LDB2: variants seen among roughly 807,000 people sequenced by gnomAD.
The protein encoded by LDB2 is LIM domain-binding protein 2.
In LDB2, 12 loss-of-function variants were observed where a neutral mutation model predicts 44.3. That is an observed-to-expected ratio of 0.27 (90% CI 0.17 to 0.44). The LOEUF (loss-of-function observed/expected upper bound fraction) is 0.44. Ranked by LOEUF, LDB2 falls within the 20% of genes least tolerant of loss-of-function variation. The pLI is 1.00. For missense variants in LDB2, 344 were observed against 473.5 expected, an observed-to-expected ratio of 0.73 and a Z score of 2.54; for synonymous variants, 164 against 174.8, an observed-to-expected ratio of 0.94 and a Z score of 0.49.
chr4:16,816,032 AC>A (rs1780821578), intron 1 of LDB2, among the ~76,000 whole-genome samples: 1 of 152,180 alleles, frequency 6.6e-6, no homozygotes, highest in Non-Finnish European at 1.5e-5. Context: ...ACATGGTGAA[AC>A]CCTGTCTCTA....
intron 1 of LDB2, among the ~76,000 whole-genome samples, chr4:16,849,075 A>G (rs1222836794): frequency 6.6e-6 from 1 of 152,178 alleles, no homozygotes; most frequent in Non-Finnish European, 1.5e-5. Context: ...AAAGACCAAA[A>G]AATCTGGCCC....
chr4:16,545,011 A>AT (rs1163606361), intron 5 of LDB2, among the ~76,000 whole-genome samples: 3 of 152,116 alleles, frequency 2.0e-5, no homozygotes, highest in African/African-American at 7.2e-5. Context: ...GATAGGGAGG[A>AT]GAACCAAGAC....
At chr4:16,843,576 G>A (rs1238389554) in intron 1 of LDB2, among the ~76,000 whole-genome samples, 2 of 151,878 alleles carry the variant, frequency 1.3e-5, no homozygotes, top group Non-Finnish European at 2.9e-5. Flanking sequence ...ATAAAAACAG[G>A]GTGCCATTTT....
chr4:16,740,539 T>G lies in LDB2; in HGVS notation c.235+18619A>C, dbSNP rs1304142459. Reference sequence around the variant, plus strand: ...GCCCTTCCTGCTGCTAAAAGCAGCATGGCAGGTACTACCTCATGAACTTTC... The same window carrying G: ...GCCCTTCCTGCTGCTAAAAGCAGCAGGGCAGGTACTACCTCATGAACTTTC... On this transcript the variant is annotated intron_variant, in intron 2 of 7. Coordinates refer to ENST00000304523, the MANE Select transcript of LDB2 (RefSeq NM_001290.5). Among the ~76,000 whole-genome samples the G allele has an allele frequency of 3.3e-5, 5 of 152,366 alleles. No homozygotes were observed. The East Asian group carries it at 7.7e-4, about 24-fold the overall frequency.
chr4:16,667,806 C>T (rs571041954), intron 2 of LDB2, among the ~76,000 whole-genome samples: 1 of 152,334 alleles, frequency 6.6e-6, no homozygotes, highest in African/African-American at 2.4e-5. Flanking sequence ...GCACCTCACA[C>T]AGCTGTCCCT....
At chr4:16,809,949 C>CA (rs1779518762) in intron 1 of LDB2, among the ~76,000 whole-genome samples, 1 of 152,178 alleles carries the variant, frequency 6.6e-6, no homozygotes, top group Non-Finnish European at 1.5e-5. Flanking sequence ...TGATTCTTTT[C>CA]ATGTGGTCAA....
At chr4:16,552,989 T>G (rs567087665) in intron 5 of LDB2, among the ~76,000 whole-genome samples, 38 of 152,260 alleles carry the variant, frequency 2.5e-4, no homozygotes, top group Admixed American at 1.2e-3. Flanking sequence ...AGCCTCCAGA[T>G]TACCAATCAC....
At chr4:16,512,233 A>C in intron 5 of LDB2, 129 bp from the exon 6 acceptor site, 1 of 899,454 alleles carries the variant, frequency 1.1e-6, no homozygotes, top group Non-Finnish European at 1.6e-6. Flanking sequence ...GATTTTCTTT[A>C]TATAAATGTG....
At chr4:16,826,406 A>G (rs2110012540) in intron 1 of LDB2, 1 of 152,350 alleles carries the variant, frequency 6.6e-6, no homozygotes, top group East Asian at 1.9e-4. Context: ...GCCATTTAAA[A>G]CAAAAACATA....
chr4:16,763,439 T>TAC (rs56114847), intron 1 of LDB2, among the ~76,000 whole-genome samples: 5,400 of 141,146 alleles, frequency 0.038, 270 homozygotes, highest in African/African-American at 0.12. Flanking sequence ...TGTAAACACG[T>TAC]ACACACACAC....
chr4:16,887,498 T>C (rs1722093560), intron 1 of LDB2, among the ~76,000 whole-genome samples: 1 of 152,152 alleles, frequency 6.6e-6, no homozygotes, highest in African/African-American at 2.4e-5. Context: ...GCCAACTACA[T>C]GGTAATCATG....
At chr4:16,706,038 G>A (rs566778010) in intron 2 of LDB2, among the ~76,000 whole-genome samples, 45 of 152,038 alleles carry the variant, frequency 3.0e-4, no homozygotes, top group Non-Finnish European at 4.7e-4. Flanking sequence ...AACTATTAGA[G>A]ACAATATTTA....
At chr4:16,698,615 A>C (rs559455351) in intron 2 of LDB2, among the ~76,000 whole-genome samples, 4 of 151,442 alleles carry the variant, frequency 2.6e-5, no homozygotes, top group Non-Finnish European at 4.4e-5. Context: ...TAATTTTTTT[A>C]TTTCTTTCTG....
intron 2 of LDB2, among the ~76,000 whole-genome samples, chr4:16,653,124 G>A (rs749441311): frequency 2.0e-5 from 3 of 152,224 alleles, no homozygotes; most frequent in African/African-American, 7.2e-5. Context: ...GCTTGAGCAA[G>A]TTGTTGCAGG....
chr4:16,858,493 C>A (rs1327622775), intron 1 of LDB2, among the ~76,000 whole-genome samples: 1 of 152,184 alleles, frequency 6.6e-6, no homozygotes, highest in Non-Finnish European at 1.5e-5. Flanking sequence ...ACTTTTCCCC[C>A]ACAACAAACT....
chr4:16,691,968 C>T (rs1398751736), intron 2 of LDB2, among the ~76,000 whole-genome samples: 1 of 152,178 alleles, frequency 6.6e-6, no homozygotes, highest in Non-Finnish European at 1.5e-5. Context: ...TGCGATTACA[C>T]AAAGTTGAAT....
chr4:16,892,208 T>C (rs1248301382), intron 1 of LDB2, among the ~76,000 whole-genome samples: 4 of 152,162 alleles, frequency 2.6e-5, no homozygotes, highest in African/African-American at 9.6e-5. Context: ...TGGCTCTCTA[T>C]TGTAAGTGTG....
At chr4:16,741,322 T>C (rs1763189387) in intron 2 of LDB2, 1 of 152,300 alleles carries the variant, frequency 6.6e-6, no homozygotes. Flanking sequence ...AGGTGAAATA[T>C]CAGATATTGG....
At chr4:16,730,630 A>G (rs1760537990) in intron 2 of LDB2, among the ~76,000 whole-genome samples, 1 of 152,204 alleles carries the variant, frequency 6.6e-6, no homozygotes, top group African/African-American at 2.4e-5. Context: ...TCCATGAGAA[A>G]TGGAGGCTTA....
Sources: allele counts gnomAD v4.1 joint callset (sites outside exome capture counted in the v4.1 genomes callset), GRCh38; gene constraint gnomAD v4.1.1; transcripts MANE v1.5; gene names NCBI Gene and HGNC (gene_info 2026-07-23, HGNC 2026-07-21).